Variants in LYPLA2 observed in about 807,000 individuals in gnomAD.
LYPLA2 encodes lysophospholipase 2.
In LYPLA2, 7 loss-of-function variants were observed where a neutral mutation model predicts 30.3. The observed-to-expected ratio is 0.23, with a 90% CI of 0.13 to 0.43. The LOEUF (loss-of-function observed/expected upper bound fraction) is 0.43. Ranked by LOEUF, LYPLA2 falls within the 20% of genes least tolerant of loss-of-function variation. The pLI, the probability that LYPLA2 is intolerant of heterozygous loss-of-function variation, is 1.00. For synonymous variants in LYPLA2, 112 were observed against 118.2 expected (o/e 0.95, Z 0.34); for missense variants, 206 against 307.9 (o/e 0.67, Z 2.48).
rs1227647941 is a variant in LYPLA2 at position 23,793,631 on chromosome 1, C to G, written c.177-74C>G. ...GAGGGGCCACCAGGGGCGGCGCGGC[C>G]CCACTCCGGGCTCTGAGCTCTGGCC... On this transcript the variant is annotated intron_variant, in intron 4 of 9. Coordinates refer to ENST00000374514, the MANE Select transcript of LYPLA2 (RefSeq NM_007260.3). The surrounding 1 kb of genome is among the most constrained non-coding windows in gnomAD (Gnocchi z 6.0). The G allele has an allele frequency of 6.6e-7, 1 of 1,509,470 alleles. No individual in the cohort carries two copies. Among genetic ancestry groups the G allele is most frequent in the Non-Finnish European group, 9.2e-7 (1 of 1,085,000 alleles). 93.5% of individuals were successfully genotyped at this position (1,509,470 alleles called of 1,614,324 possible). A position where few individuals can be genotyped will look rare whatever the true frequency, so the allele number is the denominator to read the frequency against.
chr1:23,792,682 T>C lies in LYPLA2; in HGVS notation c.-1T>C. 6.2e-7 allele frequency: 1 copy of C among 1,611,694 alleles called. No individual in the cohort carries two copies. The highest frequency in any genetic ancestry group is 8.5e-7 in the Non-Finnish European group (1 of 1,179,842). ...GCCCCCGCCGTGGAGCCGTGTGGTGTATGTGTGGTAACACCATGTCTGTGC... is the reference window on the plus strand; with the variant it reads ...GCCCCCGCCGTGGAGCCGTGTGGTGCATGTGTGGTAACACCATGTCTGTGC... On this transcript the variant is annotated 5_prime_UTR_variant, in exon 2 of 10. Transcript: ENST00000374514.
Position 23,794,309 on chromosome 1 carries a change from A to C in LYPLA2, c.455A>C (p.His152Pro), listed in dbSNP as rs778714910. 7.4e-6 allele frequency: 12 copies of C among 1,612,098 alleles called. No individual in the cohort carries two copies. The highest frequency in any genetic ancestry group is 1.0e-5 in the Non-Finnish European group (12 of 1,179,504). The change falls in exon 8 of 10, where the codon CAC becomes CCC. Residue 152 changes from histidine to proline, a missense_variant. Physicochemically the swap from His to Pro is moderately conservative, Grantham distance 77. Transcript: ENST00000374514. This position sits in a 1 kb window ranked among gnomAD's most constrained non-coding sequence, Gnocchi z 5.9. ...IVALSCWLPL[H>P]RAFPQAANGS... The stretch of plus-strand genomic sequence containing the variant: ...GCGTTGAGCTGCTGGCTGCCTCTGC[A>C]CCGGGCCTTCCCCCAGGTGAATGTC...
chr1:23,794,606 T>C lies in LYPLA2; in HGVS notation c.645+6T>C, dbSNP rs1638887478. The C allele has an allele frequency of 6.2e-7, 1 of 1,614,066 alleles. No homozygotes were observed. On this transcript the variant is annotated splice_donor_region_variant and intron_variant, in intron 9 of 9. Transcript: ENST00000374514. The surrounding 1 kb of genome is among the most constrained non-coding windows in gnomAD (Gnocchi z 5.9). ...TGCACAGCTCCTGTCCTCAGGTCAG[T>C]GGGGGGACCATTTCCCACTCCCACT...
intron 1 of LYPLA2, among the ~76,000 whole-genome samples, chr1:23,791,533 G>A (rs1638793389): frequency 6.6e-6 from 1 of 152,136 alleles, no homozygotes; most frequent in Admixed American, 6.5e-5. Context: ...GCAGGTGGGA[G>A]TCCTGGGTCA....
At chr1:23,791,436 A>G (rs1001238801) in intron 1 of LYPLA2, among the ~76,000 whole-genome samples, 186 bp downstream of exon 1, 6 of 152,042 alleles carry the variant, frequency 3.9e-5, no homozygotes, top group African/African-American at 1.4e-4. Context: ...TCTGAGTATA[A>G]AGAGACAGAC....
At chr1:23,791,753 G>T (rs1638797179) in intron 1 of LYPLA2, among the ~76,000 whole-genome samples, 1 of 152,070 alleles carries the variant, frequency 6.6e-6, no homozygotes, top group South Asian at 2.1e-4. Flanking sequence ...CAGGGCAGGA[G>T]GTGCATTCCC....
At chr1:23,792,966 A>G in intron 2 of LYPLA2, 42 bp from the exon 3 acceptor site, 1 of 1,594,270 alleles carries the variant, frequency 6.3e-7, no homozygotes, top group Non-Finnish European at 8.6e-7. Context: ...TGGAGGACCT[A>G]GGGGAAGCCT....
chr1:23,794,666 C>T lies in LYPLA2; in HGVS notation c.646-16C>T, dbSNP rs1291653651. Reference sequence around the variant, plus strand: ...CCAGCCAGGTGCCTCTCGTGATCCCCTCTTAATCCCCTCAGGAGATGGCAG... The same window carrying T: ...CCAGCCAGGTGCCTCTCGTGATCCCTTCTTAATCCCCTCAGGAGATGGCAG... On this transcript the variant is annotated splice_polypyrimidine_tract_variant and intron_variant, in intron 9 of 9. Transcript: ENST00000374514. This position sits in a 1 kb window ranked among gnomAD's most constrained non-coding sequence, Gnocchi z 5.9. 6.2e-7 allele frequency: 1 copy of T among 1,614,182 alleles called. No homozygotes were observed. The highest frequency in any genetic ancestry group is 2.2e-5 in the East Asian group (1 of 44,870).
chr1:23,792,458 T>C (rs1229697269), intron 1 of LYPLA2, 199 bp from the exon 2 acceptor site: 1 of 566,140 alleles, frequency 1.8e-6, no homozygotes. Context: ...TCTGGGCCAC[T>C]AGGGAGGCTG....
At chr1:23,792,601 C>A (rs1638817994) in intron 1 of LYPLA2, 56 bp from the exon 2 acceptor site, 1 of 1,119,108 alleles carries the variant, frequency 8.9e-7, no homozygotes, top group Non-Finnish European at 1.4e-6. Context: ...GCCTCTTGGG[C>A]CAGGAGTGTG....
chr1:23,791,298 C>T (rs1260288799), intron 1 of LYPLA2, 48 bp downstream of exon 1: 6 of 148,752 alleles, frequency 4.0e-5, no homozygotes, highest in African/African-American at 5.0e-5. Context: ...GGGAGGTCGG[C>T]CTCGGGAGGG....
intron 1 of LYPLA2, among the ~76,000 whole-genome samples, 189 bp downstream of exon 1, chr1:23,791,439 A>G (rs992437300): frequency 1.3e-5 from 2 of 152,124 alleles, no homozygotes; most frequent in Admixed American, 6.5e-5. Flanking sequence ...GAGTATAAAG[A>G]GACAGACTTC....
At position 23,793,183 on chromosome 1, in the gene LYPLA2, G is replaced by A. The variant is rs368040980; in HGVS notation, c.143G>A (p.Arg48Gln). The change falls in exon 4 of 10, where the codon CGG becomes CAG. Residue 48 changes from arginine (R) to glutamine (Q), a missense_variant. Transcript: ENST00000374514. The surrounding 1 kb of genome is among the most constrained non-coding windows in gnomAD (Gnocchi z 6.0). ...TGGGCTGACGCCCTCTCCACCATCC[G>A]GCTCCCTCACGTCAAGTACATCTGT... ...HSWADALSTI[R>Q]LPHVKYICPH... 30 of 1,613,808 alleles carry A rather than the reference G, an allele frequency of 1.9e-5. No homozygotes were observed. The Admixed American group carries it at 2.8e-4, about 15-fold the overall frequency.
Position 23,792,638 on chromosome 1 carries a change from G to T in LYPLA2, c.-26-19G>T. 6.4e-7 allele frequency: 1 copy of T among 1,562,494 alleles called. No individual in the cohort carries two copies. ...CCTGTGCCTGGTTTTGCTCTTGACCGCCGCCCCGATGTATGCAGGCCCCCG... is the reference window on the plus strand; with the variant it reads ...CCTGTGCCTGGTTTTGCTCTTGACCTCCGCCCCGATGTATGCAGGCCCCCG... On this transcript the variant is annotated intron_variant, in intron 1 of 9. Coordinates refer to ENST00000374514, the MANE Select transcript of LYPLA2 (RefSeq NM_007260.3).
In LYPLA2 at chr1:23,794,274, T is replaced by C. The variant is rs199509938; in HGVS notation, c.420T>C (p.Ala140=). Reference sequence around the variant, plus strand: ...CCCTCACCTGCCCCCACCCTCTGGCTGGCATCGTGGCGTTGAGCTGCTGGC... The same window carrying C: ...CCCTCACCTGCCCCCACCCTCTGGCCGGCATCGTGGCGTTGAGCTGCTGGC... The part of the protein sequence containing the change: ...YTALTCPHPL[A]GIVALSCWLP... Residue 140 remains alanine, a synonymous_variant, in exon 8 of 10, where the codon GCT becomes GCC. Transcript: ENST00000374514. The surrounding 1 kb of genome is among the most constrained non-coding windows in gnomAD (Gnocchi z 5.9). 1 of 1,612,442 alleles carries C rather than the reference T, an allele frequency of 6.2e-7. No individual in the cohort carries two copies. The highest frequency in any genetic ancestry group is 8.5e-7 in the Non-Finnish European group (1 of 1,179,902).
rs370414895 is a variant in LYPLA2, at chr1:23,794,369, T to A, written c.471+44T>A. On this transcript the variant is annotated intron_variant, in intron 8 of 9. Transcript: ENST00000374514. The surrounding 1 kb of genome is among the most constrained non-coding windows in gnomAD (Gnocchi z 5.9). ...CCCCCCGCCCTTTGTGTCTGCATCC[T>A]CGTGGCTTGGGGACTGCTGCAGCAC... 67 of 1,551,730 alleles carry A rather than the reference T, an allele frequency of 4.3e-5. 1 individual carries two copies. The South Asian group carries it at 6.1e-4, about 14-fold the overall frequency.
In LYPLA2 at chr1:23,794,607, G is replaced by GC. The variant is rs750407574; in HGVS notation, c.645+7_645+8insC. 3.1e-6 allele frequency: 5 copies of GC among 1,613,902 alleles called. No individual in the cohort carries two copies. The highest frequency in any genetic ancestry group is 4.2e-6 in the Non-Finnish European group (5 of 1,179,940). On this transcript the variant is annotated splice_region_variant and intron_variant, in intron 9 of 9. Coordinates refer to ENST00000374514, the MANE Select transcript of LYPLA2 (RefSeq NM_007260.3). This position sits in a 1 kb window ranked among gnomAD's most constrained non-coding sequence, Gnocchi z 5.9. ...GCACAGCTCCTGTCCTCAGGTCAGT[G>GC]GGGGGACCATTTCCCACTCCCACTT...
At chr1:23,792,349 C>T (rs1460652027) in intron 1 of LYPLA2, among the ~76,000 whole-genome samples, 1 of 152,134 alleles carries the variant, frequency 6.6e-6, no homozygotes, top group Non-Finnish European at 1.5e-5. Flanking sequence ...CGTGCCGCTG[C>T]CTCCCCTCTG....
Position 23,794,068 on chromosome 1 carries a change from G to A in LYPLA2, c.301G>A (p.Ala101Thr), listed in dbSNP as rs1203925192. ...ACTCATGCCCCCTCCCCCAGTCAAGGCCTTGATTGAGCATGAAATGAAGAA... is the reference window on the plus strand; with the variant it reads ...ACTCATGCCCCCTCCCCCAGTCAAGACCTTGATTGAGCATGAAATGAAGAA... ...GIKKAAENIK[A>T]LIEHEMKNGI... The change falls in exon 7 of 10, where the codon GCC becomes ACC. Residue 101 changes from alanine (A) to threonine (T), a missense_variant. Transcript: ENST00000374514. The surrounding 1 kb of genome is among the most constrained non-coding windows in gnomAD (Gnocchi z 5.9). 20 of 1,612,754 alleles carry A rather than the reference G, an allele frequency of 1.2e-5. No individual in the cohort carries two copies. Among genetic ancestry groups the A allele is most frequent in the Non-Finnish European group, 1.7e-5 (20 of 1,179,570 alleles).
Sources: gnomAD v4.1 joint callset for allele counts (sites outside exome capture counted in the v4.1 genomes callset) on GRCh38, gnomAD v4.1.1 for gene constraint, Gnocchi (gnomAD v3.1) non-coding constraint, MANE v1.5 for transcripts, NCBI Gene and HGNC (gene_info 2026-07-23, HGNC 2026-07-21) for gene names.